Variants in DLG2 observed in about 807,000 individuals in gnomAD.
DLG2 encodes disks large homolog 2.
In DLG2, 45 loss-of-function variants were observed where a neutral mutation model predicts 132.5. The observed-to-expected ratio is 0.34, with a 90% CI of 0.27 to 0.44. The LOEUF (loss-of-function observed/expected upper bound fraction) is 0.44, where lower values mean the gene tolerates loss of function less well. DLG2 is among the 20% of genes least tolerant of loss of function. The pLI is 1.00. For synonymous variants in DLG2, 424 were observed against 419.6 expected, an observed-to-expected ratio of 1.01 and a Z score of -0.13; for missense variants, 1,045 against 1,196.9, an observed-to-expected ratio of 0.87 and a Z score of 1.87.
chr11:83,694,403 T>C (rs1192041153), intron 18 of DLG2, among the ~76,000 whole-genome samples: 4 of 152,166 alleles, frequency 2.6e-5, no homozygotes, highest in African/African-American at 9.7e-5. Flanking sequence ...CCCTGGAGAC[T>C]AGCCTGCCTG....
At chr11:84,701,782 T>A (rs1310542938) in intron 6 of DLG2, among the ~76,000 whole-genome samples, 1 of 151,672 alleles carries the variant, frequency 6.6e-6, no homozygotes, top group Non-Finnish European at 1.5e-5. Context: ...TTGTCTTCTT[T>A]CTGTGGCTCT....
At chr11:84,237,040 T>G (rs889874133) in intron 8 of DLG2, among the ~76,000 whole-genome samples, 2 of 151,426 alleles carry the variant, frequency 1.3e-5, no homozygotes, top group Non-Finnish European at 2.9e-5. Context: ...GCGATTCCCC[T>G]GCCTCAGCCT....
chr11:85,533,912 C>T (rs923846598), intron 3 of DLG2, among the ~76,000 whole-genome samples: 1 of 152,172 alleles, frequency 6.6e-6, no homozygotes. Context: ...GTTTAAATTC[C>T]ATTTAAGGAA....
At chr11:84,249,490 C>G (rs2097344659) in intron 8 of DLG2, among the ~76,000 whole-genome samples, 1 of 152,218 alleles carries the variant, frequency 6.6e-6, no homozygotes, top group South Asian at 2.1e-4. Flanking sequence ...CTGCCTCTTA[C>G]TGTGAGTCCT....
At chr11:84,207,728 T>C (rs1219608603) in intron 8 of DLG2, among the ~76,000 whole-genome samples, 2 of 152,130 alleles carry the variant, frequency 1.3e-5, no homozygotes, top group Admixed American at 6.5e-5. Context: ...TCTAGAGATA[T>C]GCAAAGGTAT....
intron 3 of DLG2, among the ~76,000 whole-genome samples, chr11:85,548,150 T>C (rs966751842): frequency 6.6e-6 from 1 of 152,218 alleles, no homozygotes; most frequent in Non-Finnish European, 1.5e-5. Context: ...TTGAAGTCGG[T>C]GATCTTTGGC....
chr11:83,848,912 T>G (rs920082370), intron 16 of DLG2, among the ~76,000 whole-genome samples: 1 of 152,246 alleles, frequency 6.6e-6, no homozygotes, highest in Non-Finnish European at 1.5e-5. Context: ...TTTAGCCATC[T>G]CCTGGGCAGT....
At chr11:83,887,262 G>T (rs1366430835) in intron 15 of DLG2, among the ~76,000 whole-genome samples, 1 of 151,658 alleles carries the variant, frequency 6.6e-6, no homozygotes, top group Non-Finnish European at 1.5e-5. Context: ...AATGATAAAG[G>T]GGATATCACC....
chr11:85,095,930 C>T (rs547477368), intron 6 of DLG2, among the ~76,000 whole-genome samples: 23 of 152,332 alleles, frequency 1.5e-4, no homozygotes, highest in African/African-American at 5.1e-4. Flanking sequence ...GTGAAGCCAG[C>T]TGAGCTTCTG....
At chr11:85,417,172 A>C (rs1019625344) in intron 3 of DLG2, among the ~76,000 whole-genome samples, 23 of 152,098 alleles carry the variant, frequency 1.5e-4, no homozygotes, top group Admixed American at 8.5e-4. Context: ...GAATTTTATC[A>C]AAGGCCTTTT....
At chr11:84,362,557 G>A (rs553308597) in intron 7 of DLG2, among the ~76,000 whole-genome samples, 12 of 151,084 alleles carry the variant, frequency 7.9e-5, no homozygotes, top group African/African-American at 2.4e-4. Context: ...TGTGCACAAT[G>A]TGCAGGTTAG....
chr11:84,114,019 A>G (rs1479638963), intron 9 of DLG2, among the ~76,000 whole-genome samples: 1 of 152,132 alleles, frequency 6.6e-6, no homozygotes, highest in Non-Finnish European at 1.5e-5. Context: ...CCAGACATTA[A>G]AAAGATTTCG....
chr11:85,298,485 TG>T, intron 3 of DLG2, among the ~76,000 whole-genome samples: 1 of 152,204 alleles, frequency 6.6e-6, no homozygotes, highest in African/African-American at 2.4e-5. Flanking sequence ...GCCTCACTTC[TG>T]TAATACTCCT....
intron 4 of DLG2, among the ~76,000 whole-genome samples, chr11:85,222,179 T>A (rs1012757373): frequency 6.6e-6 from 1 of 152,146 alleles, no homozygotes; most frequent in Admixed American, 6.5e-5. Flanking sequence ...TTGGCCAGGC[T>A]GGTCTCTAAC....
At chr11:84,732,433 G>T (rs76892869) in intron 6 of DLG2, among the ~76,000 whole-genome samples, 4,060 of 151,990 alleles carry the variant, frequency 0.027, 195 homozygotes, top group African/African-American at 0.094. Context: ...ACCTGGTATT[G>T]TCAATCATTT....
intron 12 of DLG2, among the ~76,000 whole-genome samples, chr11:83,978,226 G>A (rs1315838093): frequency 6.6e-6 from 1 of 150,844 alleles, no homozygotes; most frequent in Non-Finnish European, 1.5e-5. Flanking sequence ...AAAACTTCAA[G>A]AAATAAGCAC....
chr11:84,343,179 A>G (rs1009347425), intron 7 of DLG2, among the ~76,000 whole-genome samples: 4 of 152,212 alleles, frequency 2.6e-5, no homozygotes, highest in African/African-American at 9.7e-5. Flanking sequence ...TGATGAATCG[A>G]TAGACATTCA....
chr11:83,659,695 G>A (rs1370991627), intron 18 of DLG2, among the ~76,000 whole-genome samples: 3 of 152,240 alleles, frequency 2.0e-5, no homozygotes, highest in Admixed American at 2.0e-4. Context: ...AAGCAGCTGA[G>A]CTGGGATTTG....
At chr11:83,878,148 C>T (rs1189578088) in intron 15 of DLG2, among the ~76,000 whole-genome samples, 4 of 152,126 alleles carry the variant, frequency 2.6e-5, no homozygotes, top group African/African-American at 9.7e-5. Context: ...ATAATAGCAC[C>T]CAGGGCTATG....
Sources: gnomAD v4.1 joint callset for allele counts (sites outside exome capture counted in the v4.1 genomes callset) on GRCh38, gnomAD v4.1.1 for gene constraint, MANE v1.5 for transcripts, NCBI Gene and HGNC (gene_info 2026-07-23, HGNC 2026-07-21) for gene names.